Variants in CNOT2 observed in about 807,000 individuals in gnomAD.
CNOT2 encodes the protein CC chemokine receptor 4-negative regulator of transcription 2.
In CNOT2, 7 loss-of-function variants were observed where a neutral mutation model predicts 72.1. The ratio of observed to expected loss-of-function variants is 0.10; its 90% CI spans 0.06 to 0.18. The LOEUF (loss-of-function observed/expected upper bound fraction) is 0.18. Ranked by LOEUF, CNOT2 falls within the 10% of genes least tolerant of loss-of-function variation. The pLI, the probability that CNOT2 is intolerant of heterozygous loss-of-function variation, is 1.00. For synonymous variants in CNOT2, 196 were observed against 225.6 expected (o/e 0.87, Z 1.17); for missense variants, 345 against 660.3 (o/e 0.52, Z 5.23).
chr12:70,289,516 A>G (rs1329556565), intron 2 of CNOT2, among the ~76,000 whole-genome samples: 1 of 151,888 alleles, frequency 6.6e-6, no homozygotes, highest in African/African-American at 2.4e-5. Context: ...TTCATCCATT[A>G]TTTATTTGAA....
chr12:70,261,223 T>A (rs892631256), intron 1 of CNOT2, among the ~76,000 whole-genome samples: 33 of 151,980 alleles, frequency 2.2e-4, no homozygotes, highest in Non-Finnish European at 1.2e-4. Flanking sequence ...TAAATCCAAC[T>A]GGTCATGTTG....
chr12:70,279,144 G>T (rs1869384863), intron 2 of CNOT2, among the ~76,000 whole-genome samples: 1 of 152,120 alleles, frequency 6.6e-6, no homozygotes, highest in Non-Finnish European at 1.5e-5. Flanking sequence ...ATTCCCTCTA[G>T]GTTGTGAAGG....
intron 1 of CNOT2, among the ~76,000 whole-genome samples, chr12:70,261,264 T>C (rs1229609079): frequency 6.6e-6 from 1 of 151,328 alleles, no homozygotes; most frequent in Non-Finnish European, 1.5e-5. Flanking sequence ...ATTTGTTTTC[T>C]GGTATTTTGT....
chr12:70,276,686 A>C (rs1187273180), intron 1 of CNOT2, among the ~76,000 whole-genome samples: 1 of 152,044 alleles, frequency 6.6e-6, no homozygotes, highest in African/African-American at 2.4e-5. Context: ...TTACATTTAT[A>C]ATAGTAAATA....
At chr12:70,321,337 T>C (rs1380232227) in intron 4 of CNOT2, among the ~76,000 whole-genome samples, 1 of 151,862 alleles carries the variant, frequency 6.6e-6, no homozygotes, top group Non-Finnish European at 1.5e-5. Context: ...CCAATTTCTA[T>C]CTGTTAGGAC....
intron 2 of CNOT2, among the ~76,000 whole-genome samples, chr12:70,304,988 A>G (rs536198841): frequency 3.9e-5 from 6 of 152,194 alleles, no homozygotes; most frequent in African/African-American, 1.4e-4. Context: ...GCGGGATATA[A>G]TCTGGTGTGC....
intron 15 of CNOT2, among the ~76,000 whole-genome samples, chr12:70,352,767 T>C (rs1477987462): frequency 5.9e-5 from 9 of 152,228 alleles, no homozygotes; most frequent in Admixed American, 5.9e-4. Flanking sequence ...TTTTTTCTAA[T>C]ATACATAGCT....
intron 2 of CNOT2, chr12:70,297,621 G>A (rs1009666653): frequency 5.3e-6 from 1 of 188,982 alleles, no homozygotes; most frequent in Non-Finnish European, 1.1e-5. Flanking sequence ...AGGTTAAATT[G>A]TGTTCACTAT....
intron 11 of CNOT2, among the ~76,000 whole-genome samples, chr12:70,340,223 A>T (rs1235946065): frequency 6.6e-6 from 1 of 152,148 alleles, no homozygotes. Context: ...TATTAAATTC[A>T]GTGGTCACTT....
At chr12:70,328,091 G>A (rs1278446176) in intron 4 of CNOT2, among the ~76,000 whole-genome samples, 2 of 151,720 alleles carry the variant, frequency 1.3e-5, no homozygotes, top group African/African-American at 4.8e-5. Flanking sequence ...AGAAAGGCAG[G>A]ACCAAGCTTA....
intron 1 of CNOT2, among the ~76,000 whole-genome samples, chr12:70,257,188 G>A (rs1340605973): frequency 2.0e-5 from 3 of 152,084 alleles, no homozygotes; most frequent in Non-Finnish European, 4.4e-5. Flanking sequence ...GCCAATTGCT[G>A]TGTCCTTAGT....
At chr12:70,247,924 C>T (rs1013734219) in intron 1 of CNOT2, among the ~76,000 whole-genome samples, 1 of 152,118 alleles carries the variant, frequency 6.6e-6, no homozygotes, top group African/African-American at 2.4e-5. Context: ...TCCTTTCTTA[C>T]AGTTTTGCTT....
At chr12:70,272,830 G>A (rs915036218) in intron 1 of CNOT2, among the ~76,000 whole-genome samples, 1 of 152,012 alleles carries the variant, frequency 6.6e-6, no homozygotes, top group African/African-American at 2.4e-5. Flanking sequence ...ATGCTCACCC[G>A]ATAACTTCAT....
chr12:70,302,172 G>C (rs1565787608), intron 2 of CNOT2, among the ~76,000 whole-genome samples: 1 of 152,118 alleles, frequency 6.6e-6, no homozygotes, highest in Non-Finnish European at 1.5e-5. Context: ...CCAGCTCCTG[G>C]ATTCATTAAT....
At chr12:70,319,102 C>T (rs1877858460) in intron 3 of CNOT2, 196 bp from the exon 4 acceptor site, 1 of 405,158 alleles carries the variant, frequency 2.5e-6, no homozygotes, top group African/African-American at 2.1e-5. Context: ...TTCATTTCTA[C>T]AGTTTGGTTT....
chr12:70,337,682 A>AT, intron 9 of CNOT2, 169 bp downstream of exon 9: 1 of 751,996 alleles, frequency 1.3e-6, no homozygotes, highest in South Asian at 1.6e-5. Flanking sequence ...AAGATAGCCT[A>AT]TTTTTTTCCT....
At chr12:70,353,133 T>C (rs1015631568) in intron 15 of CNOT2, among the ~76,000 whole-genome samples, 2 of 151,204 alleles carry the variant, frequency 1.3e-5, no homozygotes, top group African/African-American at 4.9e-5. Flanking sequence ...AGTGCAGTGG[T>C]GCAATCTTGG....
At chr12:70,257,839 G>C (rs957674169) in intron 1 of CNOT2, among the ~76,000 whole-genome samples, 1 of 152,114 alleles carries the variant, frequency 6.6e-6, no homozygotes, top group Non-Finnish European at 1.5e-5. Flanking sequence ...ATGTAAATAT[G>C]TTGGATGTAT....
chr12:70,265,693 T>A (rs1959007755), intron 1 of CNOT2, among the ~76,000 whole-genome samples: 1 of 152,120 alleles, frequency 6.6e-6, no homozygotes, highest in South Asian at 2.1e-4. Context: ...TTGTGCCCTT[T>A]TTCAAGGTTT....
Sources: gnomAD v4.1 joint callset for allele counts (sites outside exome capture counted in the v4.1 genomes callset) on GRCh38, gnomAD v4.1.1 for gene constraint, MANE v1.5 for transcripts, NCBI Gene and HGNC (gene_info 2026-07-23, HGNC 2026-07-21) for gene names.